STK33: variants seen among roughly 807,000 people sequenced by gnomAD.
STK33 encodes the protein serine/threonine kinase 33, also known as serine/threonine-protein kinase 33.
Under a neutral mutation model 58.0 loss-of-function variants are expected in STK33, and 52 were observed. The observed-to-expected ratio is 0.90, with a 90% CI of 0.72 to 1.13. The LOEUF (loss-of-function observed/expected upper bound fraction) is 1.13. Ranked by LOEUF, STK33 falls within the 50% of genes most tolerant of loss-of-function variation. The pLI is 0.00. For synonymous variants in STK33, 215 were observed against 200.1 expected (o/e 1.07, Z -0.63); for missense variants, 630 against 604.2 (o/e 1.04, Z -0.45).
At chr11:8,488,200 G>A (rs1207021444) in intron 1 of STK33, among the ~76,000 whole-genome samples, 1 of 152,110 alleles carries the variant, frequency 6.6e-6, no homozygotes, top group East Asian at 1.9e-4. Flanking sequence ...CCAGGGATTT[G>A]TAATTGTTGA....
At chr11:8,546,704 C>A (rs1955944599) in intron 1 of STK33, among the ~76,000 whole-genome samples, 1 of 151,426 alleles carries the variant, frequency 6.6e-6, no homozygotes, top group African/African-American at 2.4e-5. Flanking sequence ...TCTTTCTGTG[C>A]CTGGCTTATT....
At chr11:8,504,700 G>A (rs1165710210) in intron 1 of STK33, among the ~76,000 whole-genome samples, 1 of 151,920 alleles carries the variant, frequency 6.6e-6, no homozygotes, top group Admixed American at 6.6e-5. Flanking sequence ...TACTTGGGAG[G>A]CTCAGGAGGA....
intron 1 of STK33, among the ~76,000 whole-genome samples, chr11:8,555,655 A>C (rs922024267): frequency 9.9e-5 from 15 of 152,116 alleles, no homozygotes; most frequent in African/African-American, 3.4e-4. Flanking sequence ...ACAGAGCGAG[A>C]CTCCATCTTA....
chr11:8,548,313 T>C (rs1413870053), intron 1 of STK33, among the ~76,000 whole-genome samples: 1 of 152,236 alleles, frequency 6.6e-6, no homozygotes, highest in African/African-American at 2.4e-5. Context: ...TCTAGTTTCA[T>C]TCTTCTGCAT....
Position 8,494,967 on chromosome 11 carries a change from T to C in STK33, c.-465-14353A>G, listed in dbSNP as rs539697968. On this transcript the variant is annotated intron_variant, in intron 1 of 15. Transcript: ENST00000687296. The stretch of plus-strand genomic sequence containing the variant: ...ACTCAAGATGGATTAAAGGCTTAAA[T>C]GTTAGACCTAAAACCATAAAAACCC... Among the ~76,000 whole-genome samples the C allele has an allele frequency of 9.8e-4, 150 of 152,294 alleles. No individual in the cohort carries two copies. In the Middle Eastern group the frequency reaches 0.017, roughly 17 times the overall value.
chr11:8,516,791 G>A (rs935421235), intron 1 of STK33, among the ~76,000 whole-genome samples: 4 of 152,192 alleles, frequency 2.6e-5, no homozygotes, highest in East Asian at 1.9e-4. Context: ...GGGGAGGGGC[G>A]TCCGCCATTG....
At chr11:8,432,380 T>C (rs1232497379) in intron 14 of STK33, among the ~76,000 whole-genome samples, 1 of 152,070 alleles carries the variant, frequency 6.6e-6, no homozygotes, top group African/African-American at 2.4e-5. Flanking sequence ...AAGGAAGAAA[T>C]GAATGAAAGA....
the STK33 span, among the ~76,000 whole-genome samples, chr11:8,370,601 T>C: frequency 6.6e-6 from 1 of 152,168 alleles, no homozygotes; most frequent in Non-Finnish European, 1.5e-5. Flanking sequence ...TTCCTGAGGC[T>C]ACAGATACGG....
intron 6 of STK33, among the ~76,000 whole-genome samples, chr11:8,471,819 A>G (rs1948808227): frequency 6.6e-6 from 1 of 152,206 alleles, no homozygotes; most frequent in South Asian, 2.1e-4. Flanking sequence ...TAAATTGGTT[A>G]TATCTGGTTG....
At chr11:8,442,694 A>G (rs569340984) in intron 11 of STK33, among the ~76,000 whole-genome samples, 4 of 152,222 alleles carry the variant, frequency 2.6e-5, no homozygotes, top group Non-Finnish European at 4.4e-5. Flanking sequence ...CAGAATCTAA[A>G]GTAGCCTTTT....
intron 11 of STK33, among the ~76,000 whole-genome samples, chr11:8,444,561 T>C (rs1945172941): frequency 6.6e-6 from 1 of 152,084 alleles, no homozygotes; most frequent in South Asian, 2.1e-4. Flanking sequence ...ATATAGAAAC[T>C]GTGATAAGAG....
At chr11:8,385,941 A>AT in the STK33 span, among the ~76,000 whole-genome samples, 1 of 151,824 alleles carries the variant, frequency 6.6e-6, no homozygotes, top group African/African-American at 2.4e-5. Context: ...CGCCCGGCTA[A>AT]TTTTTTGTAT....
At chr11:8,361,073 G>A in the STK33 span, among the ~76,000 whole-genome samples, 1 of 152,166 alleles carries the variant, frequency 6.6e-6, no homozygotes, top group African/African-American at 2.4e-5. This position sits in a 1 kb window ranked among gnomAD's most constrained non-coding sequence, Gnocchi z 4.8. Context: ...CAACATTTTT[G>A]GGTGGGAAAA....
Position 8,540,489 on chromosome 11 carries a change from CAAAT to C in STK33, c.-466+53590_-466+53593del, listed in dbSNP as rs547013611. On this transcript the variant is annotated intron_variant, in intron 1 of 15. Coordinates refer to ENST00000687296, the MANE Select transcript of STK33 (RefSeq NM_001352389.2). ...CAAGACCCAGTCTTTAAAAAAAAGA[CAAAT>C]AAAATTTTAAAAAGAAACAGTGGTG... is the stretch of plus-strand genomic sequence containing the variant. 2.7e-3 allele frequency among the ~76,000 whole-genome samples: 412 copies of C among 151,870 alleles called. 3 individuals carry two copies. The highest frequency in any genetic ancestry group is 9.3e-3 in the African/African-American group (386 of 41,428).
intron 14 of STK33, among the ~76,000 whole-genome samples, chr11:8,417,529 T>A (rs141285992): frequency 6.6e-6 from 1 of 152,234 alleles, no homozygotes; most frequent in Non-Finnish European, 1.5e-5. Context: ...ATAATACATA[T>A]GAGCTGGGGT....
At chr11:8,338,392 G>A in the STK33 span, among the ~76,000 whole-genome samples, 1 of 152,220 alleles carries the variant, frequency 6.6e-6, no homozygotes, top group East Asian at 1.9e-4. Flanking sequence ...CCTCAGAACA[G>A]ATGGCTTCTA....
At chr11:8,379,808 G>A in the STK33 span, among the ~76,000 whole-genome samples, 1 of 152,010 alleles carries the variant, frequency 6.6e-6, no homozygotes, top group Non-Finnish European at 1.5e-5. Context: ...CCCCGTGTCT[G>A]TGGTTCCCCT....
chr11:8,343,903 C>T, the STK33 span, among the ~76,000 whole-genome samples: 1 of 152,162 alleles, frequency 6.6e-6, no homozygotes, highest in Non-Finnish European at 1.5e-5. Flanking sequence ...CCCATTCCCC[C>T]CAAGGGAATC....
At chr11:8,413,846 G>T (rs1053139796) in intron 14 of STK33, among the ~76,000 whole-genome samples, 154 bp from the exon 15 acceptor site, 17 of 152,098 alleles carry the variant, frequency 1.1e-4, no homozygotes, top group African/African-American at 3.6e-4. Flanking sequence ...ATGACCACTG[G>T]AGTACAACCC....
Sources: gnomAD v4.1 joint callset for allele counts (sites outside exome capture counted in the v4.1 genomes callset) on GRCh38, gnomAD v4.1.1 for gene constraint, Gnocchi (gnomAD v3.1) non-coding constraint, MANE v1.5 for transcripts, NCBI Gene and HGNC (gene_info 2026-07-23, HGNC 2026-07-21) for gene names.